Variants in CDH9 observed in about 807,000 individuals in gnomAD.
The protein encoded by CDH9 is cadherin 9, also known as cadherin-9.
CDH9 carries 28 observed loss-of-function variants against 70.9 expected under a neutral mutation model. The observed-to-expected ratio is 0.40, with a 90% CI of 0.29 to 0.54. The LOEUF (loss-of-function observed/expected upper bound fraction) is 0.54, where lower values mean the gene tolerates loss of function less well. Among genes scored for constraint, CDH9 ranks in the 20% least tolerant of loss-of-function variants. The pLI is 0.59. For synonymous variants in CDH9, 409 were observed against 343.1 expected (o/e 1.19, Z -2.12); for missense variants, 874 against 984.4 (o/e 0.89, Z 1.50).
At chr5:26,944,312 C>T (rs1179721310) in intron 2 of CDH9, among the ~76,000 whole-genome samples, 1 of 151,060 alleles carries the variant, frequency 6.6e-6, no homozygotes, top group Admixed American at 6.6e-5. Context: ...AAAGACAGTT[C>T]TATTTTGAGG....
At chr5:27,018,236 G>C (rs1743079318) in intron 1 of CDH9, among the ~76,000 whole-genome samples, 1 of 151,632 alleles carries the variant, frequency 6.6e-6, no homozygotes, top group Admixed American at 6.6e-5. Context: ...TTACATATGG[G>C]AAGAGAATTT....
intron 11 of CDH9, 52 bp downstream of exon 11, chr5:26,885,562 T>G: frequency 1.3e-6 from 2 of 1,487,642 alleles, no homozygotes; most frequent in Non-Finnish European, 1.9e-6. Flanking sequence ...GCTCAGACAG[T>G]GAGGGAGAGA....
intron 4 of CDH9, 45 bp downstream of exon 4, chr5:26,906,674 T>C: frequency 6.3e-7 from 1 of 1,593,762 alleles, no homozygotes; most frequent in Admixed American, 1.7e-5. Flanking sequence ...TTATGCATCT[T>C]AATGTATTAT....
intron 2 of CDH9, among the ~76,000 whole-genome samples, chr5:26,959,780 A>G (rs1742003377): frequency 1.3e-5 from 2 of 152,076 alleles, no homozygotes; most frequent in Admixed American, 6.6e-5. Flanking sequence ...ATTTTTTTAT[A>G]TAACATATAA....
At chr5:26,939,507 T>C (rs1298364169) in intron 2 of CDH9, among the ~76,000 whole-genome samples, 1 of 151,642 alleles carries the variant, frequency 6.6e-6, no homozygotes, top group Non-Finnish European at 1.5e-5. Context: ...TATATATATA[T>C]TCTCAAATTT....
At chr5:26,889,576 G>A (rs1481768272) in intron 9 of CDH9, among the ~76,000 whole-genome samples, 1 of 152,054 alleles carries the variant, frequency 6.6e-6, no homozygotes, top group Non-Finnish European at 1.5e-5. Flanking sequence ...TTCTACATAT[G>A]TGATATTCAC....
At chr5:26,911,517 T>G (rs1741053877) in intron 3 of CDH9, among the ~76,000 whole-genome samples, 1 of 152,032 alleles carries the variant, frequency 6.6e-6, no homozygotes, top group African/African-American at 2.4e-5. Context: ...CTGGATAGGT[T>G]TTTGAGAGTG....
At chr5:26,902,115 C>T (rs1740864510) in intron 7 of CDH9, among the ~76,000 whole-genome samples, 1 of 151,934 alleles carries the variant, frequency 6.6e-6, no homozygotes, top group Non-Finnish European at 1.5e-5. Context: ...ATCATTGACT[C>T]TGGCATTAAA....
intron 1 of CDH9, among the ~76,000 whole-genome samples, chr5:27,008,602 A>G (rs1742907239): frequency 6.6e-6 from 1 of 152,156 alleles, no homozygotes; most frequent in Admixed American, 6.6e-5. Flanking sequence ...CAATATAATC[A>G]TTTTCTATTA....
At chr5:26,903,192 T>C (rs533363010) in intron 6 of CDH9, 97 of 275,480 alleles carry the variant, frequency 3.5e-4, no homozygotes, top group Non-Finnish European at 6.2e-4. Flanking sequence ...TGAGCTCTAT[T>C]ATTAGATGTA....
Position 26,881,283 on chromosome 5 carries a change from T to C in CDH9, c.2223A>G (p.Glu741=), listed in dbSNP as rs759035401. The change falls in exon 12 of 12, where the codon GAA becomes GAG. Residue 741 remains glutamate (E), a synonymous_variant. Transcript: ENST00000231021. ...PYDSLATYAY[E]GNDSIADSLS... is the part of the protein sequence containing the mutation. ...GCGAATCTGCTATGGAATCATTCCC[T>C]TCATAGGCATACGTTGCCAGCGAAT... 7 of 1,613,532 alleles carry C rather than the reference T, an allele frequency of 4.3e-6. No individual in the cohort carries two copies. The highest frequency in any genetic ancestry group is 5.9e-6 in the Non-Finnish European group (7 of 1,179,574).
chr5:26,884,003 C>T (rs1740518904), intron 11 of CDH9, among the ~76,000 whole-genome samples: 1 of 151,966 alleles, frequency 6.6e-6, no homozygotes, highest in Admixed American at 6.6e-5. Context: ...CATAAAGACT[C>T]AAAATAACAA....
chr5:26,895,797 G>A (rs1740739401), intron 7 of CDH9, among the ~76,000 whole-genome samples: 1 of 151,926 alleles, frequency 6.6e-6, no homozygotes, highest in Admixed American at 6.6e-5. Context: ...CTGGAAAAAT[G>A]TTTCTCTGTG....
intron 1 of CDH9, among the ~76,000 whole-genome samples, chr5:26,994,137 C>G (rs1237857436): frequency 5.3e-5 from 8 of 152,036 alleles, no homozygotes; most frequent in African/African-American, 1.7e-4. Context: ...ATCAGTGGTT[C>G]ATATGTAGAC....
intron 1 of CDH9, among the ~76,000 whole-genome samples, chr5:27,008,652 TA>T: frequency 6.6e-6 from 1 of 152,282 alleles, no homozygotes; most frequent in Middle Eastern, 3.4e-3. Context: ...CAGAAAACTA[TA>T]AATGATATTT....
intron 2 of CDH9, among the ~76,000 whole-genome samples, chr5:26,922,000 G>A (rs1741252253): frequency 6.8e-6 from 1 of 146,818 alleles, no homozygotes; most frequent in Admixed American, 6.9e-5. Context: ...TTGAAGACAG[G>A]CTATTTGAAA....
intron 7 of CDH9, chr5:26,890,788 A>G: frequency 2.4e-6 from 1 of 424,552 alleles, no homozygotes. Flanking sequence ...TAGAACTGTT[A>G]TTTATACACA....
chr5:26,913,940 T>A (rs1741099691), intron 3 of CDH9, among the ~76,000 whole-genome samples: 2 of 151,972 alleles, frequency 1.3e-5, no homozygotes, highest in Admixed American at 6.6e-5. Context: ...CCATTAAGTA[T>A]CAGAAAACAA....
intron 1 of CDH9, among the ~76,000 whole-genome samples, chr5:27,016,021 C>T (rs1743040878): frequency 6.6e-6 from 1 of 151,796 alleles, no homozygotes; most frequent in South Asian, 2.1e-4. Flanking sequence ...TGACATCTTA[C>T]ATAATTTTTA....
Sources: allele counts gnomAD v4.1 joint callset (sites outside exome capture counted in the v4.1 genomes callset), GRCh38; gene constraint gnomAD v4.1.1; transcripts MANE v1.5; gene names NCBI Gene and HGNC (gene_info 2026-07-23, HGNC 2026-07-21).